Variants in RBMS3 observed in about 807,000 individuals in gnomAD.
RBMS3 encodes the protein RNA-binding motif, single-stranded-interacting protein 3.
Under a neutral mutation model 66.8 loss-of-function variants are expected in RBMS3, and 27 were observed. The ratio of observed to expected loss-of-function variants is 0.40; its 90% CI spans 0.30 to 0.56. The LOEUF is 0.56. Ranked by LOEUF, RBMS3 falls within the 20% of genes least tolerant of loss-of-function variation. RBMS3 has a pLI of 0.40. For synonymous variants in RBMS3, 188 were observed against 183.0 expected (o/e 1.03, Z -0.22); for missense variants, 513 against 549.5 (o/e 0.93, Z 0.66).
At chr3:29,689,129 A>T (rs939100670) in intron 4 of RBMS3, among the ~76,000 whole-genome samples, 3 of 131,984 alleles carry the variant, frequency 2.3e-5, no homozygotes, top group African/African-American at 8.7e-5. Flanking sequence ...ATAGATATAG[A>T]TATATTGGCT....
At chr3:29,420,328 T>A (rs985977475) in intron 1 of RBMS3, among the ~76,000 whole-genome samples, 1 of 152,192 alleles carries the variant, frequency 6.6e-6, no homozygotes, top group Non-Finnish European at 1.5e-5. Flanking sequence ...CCCCAAGATA[T>A]TCCTAGTTGC....
intron 3 of RBMS3, among the ~76,000 whole-genome samples, chr3:29,559,145 C>G (rs7653433): frequency 0.069 from 10,419 of 151,994 alleles, 655 homozygotes; most frequent in African/African-American, 0.17. Context: ...GTGATTATCT[C>G]TAGACTATAT....
chr3:29,756,906 T>C (rs886425131), intron 5 of RBMS3, among the ~76,000 whole-genome samples: 1 of 152,134 alleles, frequency 6.6e-6, no homozygotes, highest in Non-Finnish European at 1.5e-5. Flanking sequence ...CCTCCTGGCA[T>C]ATATCAGTGT....
At chr3:29,561,225 A>G (rs2046540101) in intron 3 of RBMS3, among the ~76,000 whole-genome samples, 1 of 152,056 alleles carries the variant, frequency 6.6e-6, no homozygotes, top group African/African-American at 2.4e-5. Context: ...TTTATAATAG[A>G]ATGATTTTTA....
chr3:29,972,441 C>G lies in RBMS3; in HGVS notation c.1099-15702C>G, dbSNP rs949065309. Among the ~76,000 whole-genome samples the G allele has an allele frequency of 2.0e-5, 3 of 150,100 alleles. No homozygotes were observed. The East Asian group carries it at 5.9e-4, about 29-fold the overall frequency. Reference sequence around the variant, plus strand: ...TTCTGTTTATTTAGAATGTTGCTGCCTCTTCTTTTCTTCTCTCCATTTTCT... The same window carrying G: ...TTCTGTTTATTTAGAATGTTGCTGCGTCTTCTTTTCTTCTCTCCATTTTCT... On this transcript the variant is annotated intron_variant, in intron 12 of 14. Coordinates refer to ENST00000383767, the MANE Select transcript of RBMS3 (RefSeq NM_001003793.3).
intron 1 of RBMS3, among the ~76,000 whole-genome samples, chr3:29,425,461 G>C (rs377364710): frequency 2.0e-5 from 3 of 149,630 alleles, no homozygotes; most frequent in African/African-American, 4.9e-5. Flanking sequence ...GAAAAACCCC[G>C]TCTCTACTAA....
chr3:29,444,788 C>CTTTTTTTTTTTTTTTTTTT lies in RBMS3; in HGVS notation c.248+9879_248+9897dup, dbSNP rs558839351. On this transcript the variant is annotated intron_variant, in intron 2 of 14. Coordinates refer to ENST00000383767, the MANE Select transcript of RBMS3 (RefSeq NM_001003793.3). ...AATTCTTTCAAGCGGAAATATATGCCTTTTTTTTTTTTTTTTTTTTTTTTG... is the reference window on the plus strand; with the variant it reads ...AATTCTTTCAAGCGGAAATATATGCCTTTTTTTTTTTTTTTTTTTTTTTTTTTTTTTTTTTTTTTTTTTG... 2.8e-4 allele frequency among the ~76,000 whole-genome samples: 14 copies of CTTTTTTTTTTTTTTTTTTT among 50,500 alleles called. 3 individuals are homozygous for CTTTTTTTTTTTTTTTTTTT. Among genetic ancestry groups the CTTTTTTTTTTTTTTTTTTT allele is most frequent in the East Asian group, 1.9e-3 (2 of 1,076 alleles). The allele number at this position is 50,500 out of a possible 152,430, so 33.1% of individuals were successfully genotyped here.
At chr3:29,532,989 A>G (rs1404148722) in intron 3 of RBMS3, among the ~76,000 whole-genome samples, 1 of 151,984 alleles carries the variant, frequency 6.6e-6, no homozygotes, top group Admixed American at 6.5e-5. Flanking sequence ...TTTTTTAGGT[A>G]CTGCCTTAAA....
intron 4 of RBMS3, among the ~76,000 whole-genome samples, chr3:29,628,892 T>A (rs1011678607): frequency 1.3e-5 from 2 of 152,142 alleles, no homozygotes; most frequent in Non-Finnish European, 2.9e-5. Flanking sequence ...ATTTTTTGAC[T>A]GAGAATTGTC....
intron 5 of RBMS3, among the ~76,000 whole-genome samples, chr3:29,754,673 A>G (rs891756929): frequency 6.6e-6 from 1 of 152,234 alleles, no homozygotes. Context: ...AAGCTTGAAG[A>G]TGGCCACCCA....
chr3:29,707,910 T>C (rs2052982736), intron 4 of RBMS3, among the ~76,000 whole-genome samples: 1 of 152,166 alleles, frequency 6.6e-6, no homozygotes, highest in Admixed American at 6.5e-5. Context: ...TGGACACTTT[T>C]ATTGTGGAGT....
chr3:29,409,383 C>T (rs186902916), intron 1 of RBMS3, among the ~76,000 whole-genome samples: 2 of 152,190 alleles, frequency 1.3e-5, no homozygotes, highest in Non-Finnish European at 2.9e-5. Context: ...ATGTGGCCTC[C>T]CTCTCTAGAA....
intron 1 of RBMS3, among the ~76,000 whole-genome samples, chr3:29,377,863 A>T (rs1452321282): frequency 6.6e-6 from 1 of 152,186 alleles, no homozygotes; most frequent in Non-Finnish European, 1.5e-5. Flanking sequence ...CAAAAAAGTG[A>T]TTGTTGTCTT....
At chr3:29,528,404 T>C (rs2045220834) in intron 3 of RBMS3, among the ~76,000 whole-genome samples, 1 of 152,138 alleles carries the variant, frequency 6.6e-6, no homozygotes, top group Admixed American at 6.5e-5. Flanking sequence ...TGAGCCACTA[T>C]GCCTGGCCCA....
At position 29,411,585 on chromosome 3, in the gene RBMS3, T is replaced by G. The variant is rs1328413527; in HGVS notation, c.76-23158T>G. On this transcript the variant is annotated intron_variant, in intron 1 of 14. Transcript: ENST00000383767. The stretch of plus-strand genomic sequence containing the variant: ...TGCTAATAATGTTGTGTTAAAAATC[T>G]GAGCAGAGTGTCTTGCCAGAGAGAG... Among the ~76,000 whole-genome samples the G allele has an allele frequency of 1.5e-4, 23 of 152,226 alleles. 1 individual carries two copies. Among genetic ancestry groups the G allele is most frequent in the Admixed American group, 1.5e-3 (23 of 15,280 alleles).
At chr3:29,357,764 C>T (rs1340722982) in intron 1 of RBMS3, among the ~76,000 whole-genome samples, 4 of 152,130 alleles carry the variant, frequency 2.6e-5, no homozygotes, top group Non-Finnish European at 5.9e-5. Context: ...GATGATATCT[C>T]ATTGTGGTTT....
intron 3 of RBMS3, among the ~76,000 whole-genome samples, chr3:29,565,466 T>C (rs1275604686): frequency 4.6e-5 from 7 of 152,176 alleles, no homozygotes; most frequent in Non-Finnish European, 7.3e-5. Context: ...ACCCTTGATC[T>C]TGGTATTTTT....
intron 1 of RBMS3, among the ~76,000 whole-genome samples, chr3:29,420,753 G>A (rs1268836077): frequency 2.0e-5 from 3 of 151,928 alleles, no homozygotes; most frequent in African/African-American, 7.3e-5. Context: ...TTCTTTAAGG[G>A]AAGCAAATAA....
intron 5 of RBMS3, among the ~76,000 whole-genome samples, chr3:29,747,532 C>A (rs2054976596): frequency 6.6e-6 from 1 of 151,940 alleles, no homozygotes. Context: ...GATGTACATA[C>A]ACCCACAAAA....
Sources: allele counts gnomAD v4.1 joint callset (sites outside exome capture counted in the v4.1 genomes callset), GRCh38; gene constraint gnomAD v4.1.1; transcripts MANE v1.5; gene names NCBI Gene and HGNC (gene_info 2026-07-23, HGNC 2026-07-21).